RXFP1: variants seen among roughly 807,000 people sequenced by gnomAD.
RXFP1 encodes the protein relaxin family peptide receptor 1.
RXFP1 carries 73 observed loss-of-function variants against 89.8 expected under a neutral mutation model. The ratio of observed to expected loss-of-function variants is 0.81; its 90% CI spans 0.67 to 0.99. RXFP1 has a LOEUF of 0.99. Among genes scored for constraint, RXFP1 ranks in the 50% least tolerant of loss-of-function variants. The pLI is 0.00. For missense variants in RXFP1, 793 were observed against 895.5 expected, an observed-to-expected ratio of 0.89 and a Z score of 1.46; for synonymous variants, 277 against 305.5, an observed-to-expected ratio of 0.91 and a Z score of 0.97.
intron 1 of RXFP1, among the ~76,000 whole-genome samples, chr4:158,527,564 A>AAATAT (rs5741905): frequency 1.1e-3 from 106 of 98,330 alleles, no homozygotes; most frequent in African/African-American, 3.6e-3. Context: ...AAAAAAAAAA[A>AAATAT]ATATATATAT....
intron 2 of RXFP1, among the ~76,000 whole-genome samples, chr4:158,590,356 C>T (rs1759190864): frequency 6.6e-6 from 1 of 152,092 alleles, no homozygotes; most frequent in Admixed American, 6.6e-5. Flanking sequence ...ATGGGGGTTT[C>T]TCCACCTTGG....
intron 9 of RXFP1, 58 bp downstream of exon 9, chr4:158,617,263 T>C: frequency 8.2e-7 from 1 of 1,213,148 alleles, no homozygotes; most frequent in Non-Finnish European, 1.2e-6. Context: ...TTTACCTAAT[T>C]CATTCCAGAT....
chr4:158,525,948 C>A (rs1281293287), intron 1 of RXFP1, among the ~76,000 whole-genome samples: 1 of 152,194 alleles, frequency 6.6e-6, no homozygotes, highest in Non-Finnish European at 1.5e-5. Context: ...TTAAAGTGAC[C>A]TTAACAGACC....
At chr4:158,647,413 CAT>C (rs1771780656) in intron 16 of RXFP1, among the ~76,000 whole-genome samples, 2 of 152,168 alleles carry the variant, frequency 1.3e-5, no homozygotes, top group Non-Finnish European at 2.9e-5. Context: ...TGCTAAGCAA[CAT>C]ATGTTTTGGC....
chr4:158,642,089 A>G (rs956430698), intron 14 of RXFP1, among the ~76,000 whole-genome samples: 1 of 151,568 alleles, frequency 6.6e-6, no homozygotes, highest in African/African-American at 2.4e-5. Flanking sequence ...TACAGATAAT[A>G]TAACTTCTTT....
chr4:158,547,943 A>G (rs563566523), intron 1 of RXFP1, among the ~76,000 whole-genome samples: 1 of 152,070 alleles, frequency 6.6e-6, no homozygotes, highest in Admixed American at 6.6e-5. Context: ...TGGGGTGGAA[A>G]GTTCTGTAGA....
chr4:158,541,248 G>A (rs1242469186), intron 1 of RXFP1, among the ~76,000 whole-genome samples: 1 of 151,846 alleles, frequency 6.6e-6, no homozygotes, highest in Non-Finnish European at 1.5e-5. Context: ...CAGATTCCAA[G>A]TTATAAATAC....
chr4:158,539,455 A>G (rs1325865525), intron 1 of RXFP1, among the ~76,000 whole-genome samples: 1 of 152,118 alleles, frequency 6.6e-6, no homozygotes, highest in East Asian at 1.9e-4. Flanking sequence ...TGTTGTGCAC[A>G]TGTACCCTAA....
intron 1 of RXFP1, among the ~76,000 whole-genome samples, chr4:158,530,763 C>A (rs893562044): frequency 2.0e-5 from 3 of 152,128 alleles, no homozygotes; most frequent in African/African-American, 7.2e-5. Flanking sequence ...TGTGAACTTG[C>A]AGCACAACAG....
At chr4:158,601,705 T>C (rs1450053764) in intron 4 of RXFP1, among the ~76,000 whole-genome samples, 2 of 152,204 alleles carry the variant, frequency 1.3e-5, no homozygotes, top group Non-Finnish European at 2.9e-5. Flanking sequence ...AGACTTTGAG[T>C]TGGAACTATT....
At chr4:158,609,434 C>T (rs569828405) in intron 6 of RXFP1, among the ~76,000 whole-genome samples, 42 of 152,260 alleles carry the variant, frequency 2.8e-4, no homozygotes, top group Non-Finnish European at 5.1e-4. Flanking sequence ...CTCAATGTTC[C>T]GTTTTATTGA....
At chr4:158,638,192 T>A in intron 13 of RXFP1, 113 bp downstream of exon 13, 2 of 613,512 alleles carry the variant, frequency 3.3e-6, no homozygotes, top group Non-Finnish European at 5.6e-6. Context: ...AAGACATTAG[T>A]TTAGCTCCAC....
chr4:158,547,664 G>C (rs1273480029), intron 1 of RXFP1, among the ~76,000 whole-genome samples: 1 of 151,752 alleles, frequency 6.6e-6, no homozygotes, highest in Admixed American at 6.6e-5. Context: ...TGTTCTCGTT[G>C]GTTTCAAAGA....
At chr4:158,557,664 T>C (rs1223560317) in intron 1 of RXFP1, among the ~76,000 whole-genome samples, 3 of 152,214 alleles carry the variant, frequency 2.0e-5, no homozygotes, top group African/African-American at 7.2e-5. Context: ...GCGCCCAACC[T>C]ATGAATGGTT....
intron 2 of RXFP1, among the ~76,000 whole-genome samples, chr4:158,576,863 A>T (rs949402247): frequency 5.3e-5 from 8 of 152,186 alleles, no homozygotes; most frequent in Non-Finnish European, 1.2e-4. Flanking sequence ...GCAGAATTTC[A>T]TCACCATCTT....
At chr4:158,583,365 C>T (rs1433053036) in intron 2 of RXFP1, among the ~76,000 whole-genome samples, 3 of 152,210 alleles carry the variant, frequency 2.0e-5, no homozygotes, top group Admixed American at 6.5e-5. Context: ...TTGATGGAGA[C>T]ATTAGCGGTT....
At chr4:158,533,488 A>T (rs1744548231) in intron 1 of RXFP1, among the ~76,000 whole-genome samples, 1 of 152,226 alleles carries the variant, frequency 6.6e-6, no homozygotes, top group African/African-American at 2.4e-5. Context: ...TTTGCAAATC[A>T]TATCATATCA....
intron 1 of RXFP1, among the ~76,000 whole-genome samples, chr4:158,542,055 G>A (rs1458442116): frequency 3.8e-5 from 5 of 131,168 alleles, no homozygotes; most frequent in South Asian, 4.8e-4. Flanking sequence ...GAGTAGCTGG[G>A]ACTACAGGCA....
intron 4 of RXFP1, among the ~76,000 whole-genome samples, chr4:158,604,652 G>T (rs1762252973): frequency 6.6e-6 from 1 of 152,056 alleles, no homozygotes; most frequent in African/African-American, 2.4e-5. Context: ...ATTTTAAGGT[G>T]GTGGAATGTG....
Sources: allele counts gnomAD v4.1 joint callset (sites outside exome capture counted in the v4.1 genomes callset), GRCh38; gene constraint gnomAD v4.1.1; transcripts MANE v1.5; gene names NCBI Gene and HGNC (gene_info 2026-07-23, HGNC 2026-07-21).